Variants in GALNT17 observed in about 807,000 individuals in gnomAD.
The protein encoded by GALNT17 is polypeptide N-acetylgalactosaminyltransferase 17.
A neutral mutation model predicts 63.7 loss-of-function variants in GALNT17; 29 were observed. The observed-to-expected ratio is 0.46, with a 90% CI of 0.34 to 0.62. GALNT17 has a LOEUF of 0.62. GALNT17 is among the 20% of genes least tolerant of loss of function. The pLI is 0.01. For missense variants in GALNT17, 603 were observed against 799.6 expected, an observed-to-expected ratio of 0.75 and a Z score of 2.97; for synonymous variants, 305 against 318.3, an observed-to-expected ratio of 0.96 and a Z score of 0.45.
chr7:71,592,945 G>A (rs1382474015), intron 6 of GALNT17, among the ~76,000 whole-genome samples: 5 of 152,012 alleles, frequency 3.3e-5, no homozygotes, highest in African/African-American at 1.2e-4. Flanking sequence ...CCAGGAGTTC[G>A]AGACCAGCCT....
rs1320976354 is a variant in GALNT17 at position 71,518,693 on chromosome 7, G to A, written c.963-52592G>A. On this transcript the variant is annotated intron_variant, in intron 5 of 10. Coordinates refer to ENST00000333538, the MANE Select transcript of GALNT17 (RefSeq NM_022479.3). Reference sequence around the variant, plus strand: ...TATACTCCCACATTTCTCCTTGGGCGGAGGGAGAAAGGATGGATGTTCTGA... The same window carrying A: ...TATACTCCCACATTTCTCCTTGGGCAGAGGGAGAAAGGATGGATGTTCTGA... 4.6e-5 allele frequency among the ~76,000 whole-genome samples: 7 copies of A among 152,248 alleles called. 1 individual carries two copies. Among genetic ancestry groups the A allele is most frequent in the South Asian group, 4.2e-4 (2 of 4,816 alleles).
intron 5 of GALNT17, among the ~76,000 whole-genome samples, chr7:71,513,054 C>T (rs913365443): frequency 5.9e-5 from 9 of 152,144 alleles, no homozygotes; most frequent in Non-Finnish European, 4.4e-5. Flanking sequence ...TCTGTGTTCT[C>T]GGGTTGATTA....
At chr7:71,387,718 G>A (rs1792972254) in intron 2 of GALNT17, among the ~76,000 whole-genome samples, 1 of 152,196 alleles carries the variant, frequency 6.6e-6, no homozygotes. Flanking sequence ...AGGGGCTGGA[G>A]TCAGAAGTTG....
At chr7:71,695,795 C>T (rs919746194) in intron 9 of GALNT17, among the ~76,000 whole-genome samples, 7 of 152,132 alleles carry the variant, frequency 4.6e-5, no homozygotes, top group Admixed American at 4.6e-4. Context: ...GTCTACAGGC[C>T]CCTGGAGACA....
intron 1 of GALNT17, among the ~76,000 whole-genome samples, chr7:71,167,850 C>T (rs1788471072): frequency 6.6e-6 from 1 of 152,096 alleles, no homozygotes; most frequent in Non-Finnish European, 1.5e-5. Flanking sequence ...CCACGATGCT[C>T]AGCTAATTTT....
chr7:71,292,666 AGAGTGTGTGTGTGTGTGTGTGT>A (rs1791002947), intron 1 of GALNT17, among the ~76,000 whole-genome samples: 1 of 117,014 alleles, frequency 8.5e-6, no homozygotes, highest in African/African-American at 3.3e-5. Context: ...AGAGAGAGAG[AGAGTGTGTGTGTGTGTGTGTGT>A]GTGTGTGTGT....
intron 1 of GALNT17, among the ~76,000 whole-genome samples, chr7:71,269,188 G>A (rs1790542717): frequency 1.3e-5 from 2 of 152,194 alleles, no homozygotes; most frequent in African/African-American, 4.8e-5. Flanking sequence ...TTTGTGGCCA[G>A]GCATCATGGC....
At chr7:71,478,571 C>T (rs566578193) in intron 5 of GALNT17, among the ~76,000 whole-genome samples, 1 of 152,238 alleles carries the variant, frequency 6.6e-6, no homozygotes, top group African/African-American at 2.4e-5. Flanking sequence ...CCACCTCAAC[C>T]TCCCAAAGTG....
chr7:71,706,487 A>G lies in GALNT17; in HGVS notation c.1501-4274A>G, dbSNP rs904788814. 2.0e-5 allele frequency among the ~76,000 whole-genome samples: 3 copies of G among 152,212 alleles called. No individual in the cohort carries two copies. In the South Asian group the frequency reaches 6.2e-4, roughly 31 times the overall value. The stretch of plus-strand genomic sequence containing the variant: ...TGCCTGCTGGATAATAGATTGATTC[A>G]TAATTTCAGTAAGCAGCTGTGTATA... On this transcript the variant is annotated intron_variant, in intron 9 of 10. Transcript: ENST00000333538.
chr7:71,457,213 G>A (rs1474857884), intron 5 of GALNT17, among the ~76,000 whole-genome samples: 1 of 152,212 alleles, frequency 6.6e-6, no homozygotes, highest in Non-Finnish European at 1.5e-5. Flanking sequence ...AAGATCTTGA[G>A]GCCTGCAGGG....
chr7:71,541,492 G>A (rs7804648), intron 5 of GALNT17, among the ~76,000 whole-genome samples: 108,784 of 151,940 alleles, frequency 0.72, 39,255 homozygotes, highest in Non-Finnish European at 0.75. Context: ...GGCGGAGGTT[G>A]CAGTGAGCCG....
At chr7:71,316,389 C>T (rs1583855615) in intron 1 of GALNT17, among the ~76,000 whole-genome samples, 1 of 152,256 alleles carries the variant, frequency 6.6e-6, no homozygotes, top group East Asian at 1.9e-4. Flanking sequence ...ACCATCTGTA[C>T]ATAGTATCTT....
At position 71,451,514 on chromosome 7, in the gene GALNT17, C is replaced by T. The variant is rs185553514; in HGVS notation, c.962+30409C>T. 2.8e-4 allele frequency among the ~76,000 whole-genome samples: 43 copies of T among 152,184 alleles called. 5 individuals are homozygous for T. In the East Asian group the frequency reaches 2.9e-3, roughly 10 times the overall value. On this transcript the variant is annotated intron_variant, in intron 5 of 10. Coordinates refer to ENST00000333538, the MANE Select transcript of GALNT17 (RefSeq NM_022479.3). ...TTAATTTTAAAATCCTTTCGACGAA[C>T]TAACTCCTTATTCTCGGTTCCCCTC...
At chr7:71,247,520 A>AATC (rs1342778198) in intron 1 of GALNT17, among the ~76,000 whole-genome samples, 4 of 152,050 alleles carry the variant, frequency 2.6e-5, no homozygotes, top group Non-Finnish European at 5.9e-5. Flanking sequence ...GCAGTGGCGC[A>AATC]ATCTCGGCTC....
intron 1 of GALNT17, among the ~76,000 whole-genome samples, chr7:71,281,912 C>T (rs1009126620): frequency 6.6e-6 from 1 of 152,170 alleles, no homozygotes; most frequent in South Asian, 2.1e-4. Context: ...GATGAGCTCA[C>T]CTGCTGGAGA....
intron 6 of GALNT17, among the ~76,000 whole-genome samples, chr7:71,663,470 T>A (rs186872298): frequency 1.6e-4 from 25 of 152,208 alleles, no homozygotes; most frequent in African/African-American, 6.0e-4. Context: ...CCAGGCCCTT[T>A]GCCAACATTT....
At chr7:71,335,870 A>C in intron 2 of GALNT17, 137 bp downstream of exon 2, 1 of 730,610 alleles carries the variant, frequency 1.4e-6, no homozygotes, top group Non-Finnish European at 1.9e-6. Context: ...TAATAAATAA[A>C]CTTAGTACTC....
intron 10 of GALNT17, 130 bp downstream of exon 10, chr7:71,711,058 C>A: frequency 1.5e-6 from 2 of 1,297,750 alleles, no homozygotes; most frequent in Non-Finnish European, 1.0e-6. Context: ...CTGCCCCGGG[C>A]TGGGCTTGTG....
At chr7:71,687,253 A>G (rs1285456659) in intron 9 of GALNT17, among the ~76,000 whole-genome samples, 5 of 152,200 alleles carry the variant, frequency 3.3e-5, no homozygotes, top group Admixed American at 1.3e-4. Flanking sequence ...AATTAAATTC[A>G]ATCTGATCTT....
Sources: allele counts gnomAD v4.1 joint callset (sites outside exome capture counted in the v4.1 genomes callset), GRCh38; gene constraint gnomAD v4.1.1; transcripts MANE v1.5; gene names NCBI Gene and HGNC (gene_info 2026-07-23, HGNC 2026-07-21).